The following UTRN variants were observed in gnomAD, a reference collection of about 807,000 sequenced individuals.
UTRN encodes the protein dystrophin-related protein 1.
UTRN carries 283 observed loss-of-function variants against 463.9 expected under a neutral mutation model. The observed-to-expected ratio is 0.61, with a 90% CI of 0.55 to 0.67. The LOEUF (loss-of-function observed/expected upper bound fraction) is 0.67. Among genes scored for constraint, UTRN ranks in the 30% least tolerant of loss-of-function variants. The probability of loss-of-function intolerance (pLI) is 0.00; values close to 1 mark genes in which losing one functional copy is unlikely to be tolerated. For synonymous variants in UTRN, 1,442 were observed against 1,431.5 expected, an observed-to-expected ratio of 1.01 and a Z score of -0.17; for missense variants, 3,922 against 4,084.3, an observed-to-expected ratio of 0.96 and a Z score of 1.08.
At chr6:144,413,605 A>G (rs949794693) in intron 3 of UTRN, among the ~76,000 whole-genome samples, 2 of 152,160 alleles carry the variant, frequency 1.3e-5, no homozygotes, top group Non-Finnish European at 2.9e-5. Flanking sequence ...TATAGGAGCT[A>G]CAATTCGAGA....
chr6:144,811,438 C>G (rs999111895), intron 65 of UTRN, among the ~76,000 whole-genome samples: 3 of 152,102 alleles, frequency 2.0e-5, no homozygotes, highest in African/African-American at 7.2e-5. Flanking sequence ...TGTTTCAGCT[C>G]CTGCTCTCCT....
At chr6:144,713,105 T>C (rs1284001540) in intron 53 of UTRN, among the ~76,000 whole-genome samples, 1 of 152,220 alleles carries the variant, frequency 6.6e-6, no homozygotes, top group Non-Finnish European at 1.5e-5. Flanking sequence ...TATTTTCGAA[T>C]ATTTGCATTA....
At chr6:144,415,546 A>T (rs1784291116) in intron 3 of UTRN, among the ~76,000 whole-genome samples, 1 of 152,214 alleles carries the variant, frequency 6.6e-6, no homozygotes, top group African/African-American at 2.4e-5. Flanking sequence ...GCTGAAAAAC[A>T]TGATCTGTGG....
chr6:144,370,985 A>G (rs1042290329), intron 2 of UTRN, among the ~76,000 whole-genome samples: 1 of 152,188 alleles, frequency 6.6e-6, no homozygotes, highest in Non-Finnish European at 1.5e-5. Flanking sequence ...CACCTGCATT[A>G]CTGTTTGACA....
rs1554339291 is a variant in UTRN at position 144,690,074 on chromosome 6, G to GTTT, written c.7653-9993_7653-9991dup. 5.1e-4 allele frequency among the ~76,000 whole-genome samples: 16 copies of GTTT among 31,278 alleles called. 2 individuals carry two copies. Among genetic ancestry groups the GTTT allele is most frequent in the African/African-American group, 1.2e-3 (7 of 5,680 alleles). 20.5% of individuals were successfully genotyped at this position (31,278 alleles called of 152,430 possible). On this transcript the variant is annotated intron_variant, in intron 52 of 74. Transcript: ENST00000367545. ...GGCCATAGAGCTCCCAAAAGTTTCT[G>GTTT]TTTTTTTTTTTTTTTTTTTTTTGTG...
In UTRN at chr6:144,830,395, G is replaced by A. The variant is rs764709867; in HGVS notation, c.9665+1540G>A. 6.6e-5 allele frequency among the ~76,000 whole-genome samples: 10 copies of A among 152,148 alleles called. 1 individual carries two copies. Among genetic ancestry groups the A allele is most frequent in the Non-Finnish European group, 2.9e-5 (2 of 68,018 alleles). On this transcript the variant is annotated intron_variant, in intron 69 of 74. Transcript: ENST00000367545. The stretch of plus-strand genomic sequence containing the variant: ...GTAATGGTATGCTGGAGCCAATTGT[G>A]AGAGCTGATTGTTACATTTTCAGGA...
At chr6:144,392,599 C>A (rs1164702190) in intron 2 of UTRN, among the ~76,000 whole-genome samples, 1 of 152,090 alleles carries the variant, frequency 6.6e-6, no homozygotes, top group African/African-American at 2.4e-5. Flanking sequence ...TAACTGATGC[C>A]TTTGTAGTGG....
chr6:144,613,980 T>G (rs918451096), intron 51 of UTRN, among the ~76,000 whole-genome samples: 2 of 152,122 alleles, frequency 1.3e-5, no homozygotes, highest in African/African-American at 4.8e-5. Flanking sequence ...TGTCATTGAT[T>G]TCTTCTTTCC....
intron 39 of UTRN, 106 bp downstream of exon 39, chr6:144,517,054 A>C (rs578161283): frequency 1.0e-6 from 1 of 1,003,920 alleles, no homozygotes; most frequent in African/African-American, 1.7e-5. Flanking sequence ...ACCAGTTGGA[A>C]TATCATCTCC....
chr6:144,578,861 A>G (rs1317719654), intron 51 of UTRN, among the ~76,000 whole-genome samples: 31 of 152,238 alleles, frequency 2.0e-4, no homozygotes, highest in Admixed American at 2.0e-3. Flanking sequence ...CATGAAAAAG[A>G]CCATTTTGTA....
At chr6:144,688,540 T>C (rs1393449548) in intron 52 of UTRN, among the ~76,000 whole-genome samples, 3 of 152,206 alleles carry the variant, frequency 2.0e-5, no homozygotes, top group Non-Finnish European at 4.4e-5. Context: ...TTCGACTATG[T>C]GTTCTTTTAA....
Sources: allele counts gnomAD v4.1 joint callset (sites outside exome capture counted in the v4.1 genomes callset), GRCh38; gene constraint gnomAD v4.1.1; transcripts MANE v1.5; gene names NCBI Gene and HGNC (gene_info 2026-07-23, HGNC 2026-07-21).